Variants in SLC12A7 observed in about 807,000 individuals in gnomAD.
SLC12A7 encodes solute carrier family 12 member 7.
In SLC12A7, 100 loss-of-function variants were observed where a neutral mutation model predicts 120.6. The ratio of observed to expected loss-of-function variants is 0.83; its 90% CI spans 0.71 to 0.98. The LOEUF (loss-of-function observed/expected upper bound fraction) is 0.98, where lower values mean the gene tolerates loss of function less well. Among genes scored for constraint, SLC12A7 ranks in the 50% least tolerant of loss-of-function variants. The probability of loss-of-function intolerance (pLI) is 0.00; values close to 1 mark genes in which losing one functional copy is unlikely to be tolerated. For synonymous variants in SLC12A7, 760 were observed against 678.0 expected (o/e 1.12, Z -1.88); for missense variants, 1,373 against 1,548.1 (o/e 0.89, Z 1.90).
chr5:1,081,578 G>A lies in SLC12A7; in HGVS notation c.1296C>T (p.Thr432=), dbSNP rs371551100. ...GGAAGCCTGGAGCAGCGGGCTCACC[G>A]GTCACGGAAGGGAAGTAGATGCCAA... is the stretch of plus-strand genomic sequence containing the variant. ...LLVGIYFPSV[T]GIMAGSNRSG... is the part of the protein sequence containing the mutation. Residue 432 remains threonine, a splice_region_variant and synonymous_variant, in exon 9 of 24, where the codon ACC becomes ACT. Transcript: ENST00000264930. The A allele has an allele frequency of 1.4e-4, 221 of 1,598,308 alleles. 2 individuals are homozygous for A. Among genetic ancestry groups the A allele is most frequent in the South Asian group, 1.3e-3 (120 of 90,606 alleles).
chr5:1,098,063 TAACCTTCTGCACACCCAGCCGCCCCCTCC>T, intron 1 of SLC12A7, among the ~76,000 whole-genome samples: 1 of 151,170 alleles, frequency 6.6e-6, no homozygotes, highest in Non-Finnish European at 1.5e-5. Flanking sequence ...ATGCCCTCTC[TAACCTTCTGCACACCCAGCCGCCCCCTCC>T]AACCCTCTGC....
Position 1,053,343 on chromosome 5 carries a change from G to C in SLC12A7, c.3160+6C>G. 2 of 1,613,526 alleles carry C rather than the reference G, an allele frequency of 1.2e-6. No individual in the cohort carries two copies. The highest frequency in any genetic ancestry group is 1.3e-5 in the African/African-American group (1 of 75,064). On this transcript the variant is annotated splice_donor_region_variant and intron_variant, in intron 23 of 23. Coordinates refer to ENST00000264930, the MANE Select transcript of SLC12A7 (RefSeq NM_006598.3). ...CGCTCAGCAGGCACACTGCAAGAAA[G>C]GATACAGTTCTCGTCTCCCTGCCGG...
intron 1 of SLC12A7, among the ~76,000 whole-genome samples, chr5:1,105,495 G>A (rs1289008039): frequency 6.6e-6 from 1 of 152,242 alleles, no homozygotes; most frequent in Admixed American, 6.5e-5. Context: ...CCGGCCAGAG[G>A]CTCCAGGACC....
At chr5:1,066,147 G>T (rs1260896791) in intron 17 of SLC12A7, among the ~76,000 whole-genome samples, 3 of 152,142 alleles carry the variant, frequency 2.0e-5, no homozygotes, top group Non-Finnish European at 2.9e-5. Flanking sequence ...GGAACCCCAG[G>T]GCCTGCCCTG....
chr5:1,091,916 T>A (rs1376162365), intron 3 of SLC12A7, among the ~76,000 whole-genome samples: 1 of 151,280 alleles, frequency 6.6e-6, no homozygotes, highest in African/African-American at 2.4e-5. Context: ...CTGGCCGAGC[T>A]ACAGACAGGG....
the SLC12A7 span, among the ~76,000 whole-genome samples, chr5:1,129,514 C>G: frequency 6.6e-6 from 1 of 152,154 alleles, no homozygotes; most frequent in Non-Finnish European, 1.5e-5. Context: ...TCCTGTGACG[C>G]CCAGGACCAG....
At chr5:1,083,678 G>A (rs1307989066) in intron 8 of SLC12A7, 67 bp downstream of exon 8, 3 of 1,512,832 alleles carry the variant, frequency 2.0e-6, no homozygotes, top group Non-Finnish European at 2.7e-6. Context: ...GGCGAGAGCA[G>A]CCACCAGGGC....
intron 1 of SLC12A7, among the ~76,000 whole-genome samples, chr5:1,104,824 G>A (rs991098081): frequency 1.3e-5 from 2 of 152,224 alleles, no homozygotes; most frequent in Non-Finnish European, 2.9e-5. Context: ...AGGGGAGAGC[G>A]GAAACAGGCA....
chr5:1,132,170 T>G, the SLC12A7 span, among the ~76,000 whole-genome samples: 1 of 152,164 alleles, frequency 6.6e-6, no homozygotes, highest in African/African-American at 2.4e-5. Flanking sequence ...CACTGCTCAT[T>G]ACACGCTAAT....
chr5:1,090,535 G>A (rs1372815596), intron 3 of SLC12A7, among the ~76,000 whole-genome samples: 3 of 152,190 alleles, frequency 2.0e-5, no homozygotes, highest in African/African-American at 4.8e-5. Flanking sequence ...GTGGAGAACC[G>A]GCTTTGGGAC....
chr5:1,073,831 CGGCAACGCTTACCAG>C, intron 16 of SLC12A7, 30 bp from the exon 17 acceptor site: 2 of 1,384,092 alleles, frequency 1.4e-6, no homozygotes, highest in Non-Finnish European at 1.9e-6. Flanking sequence ...GCTGTTACCA[CGGCAACGCTTACCAG>C]GGCACGGCCC....
chr5:1,107,523 A>C (rs1254375959), intron 1 of SLC12A7, among the ~76,000 whole-genome samples: 1 of 151,692 alleles, frequency 6.6e-6, no homozygotes, highest in Admixed American at 6.6e-5. Flanking sequence ...CCTCTGCTTG[A>C]CTCCAGCCAC....
Position 1,065,487 on chromosome 5 carries a change from G to A in SLC12A7, c.2242-9C>T. ...ATTAGGGACCGTATGTTCTGCGGGA[G>A]ACAGGACAGGTTGGTGCTACAGCAG... On this transcript the variant is annotated splice_polypyrimidine_tract_variant and intron_variant, in intron 17 of 23. Transcript: ENST00000264930. The A allele has an allele frequency of 6.4e-7, 1 of 1,564,092 alleles. No individual in the cohort carries two copies. The highest frequency in any genetic ancestry group is 1.8e-5 in the Admixed American group (1 of 55,750).
At chr5:1,143,788 G>A in the SLC12A7 span, among the ~76,000 whole-genome samples, 8 of 152,232 alleles carry the variant, frequency 5.3e-5, no homozygotes, top group East Asian at 3.9e-4. Context: ...CAGCAAACCC[G>A]TGGCTGCACC....
chr5:1,096,672 GGAA>G (rs1384589673), intron 1 of SLC12A7, among the ~76,000 whole-genome samples: 1 of 133,038 alleles, frequency 7.5e-6, no homozygotes, highest in Non-Finnish European at 1.6e-5. Context: ...AGGGAGGGAA[GGAA>G]GAAAGGAGGG....
upstream of SLC12A7, among the ~76,000 whole-genome samples, chr5:1,113,371 T>G (rs6880997): frequency 0.47 from 71,334 of 152,048 alleles, 18,389 homozygotes; most frequent in Non-Finnish European, 0.59. Flanking sequence ...CCGGGCTCTG[T>G]GGGTTCAAGG....
At position 1,089,054 on chromosome 5, in the gene SLC12A7, C is replaced by T; in HGVS notation, c.417G>A (p.Leu139=). The T allele has an allele frequency of 1.2e-6, 2 of 1,613,058 alleles. No individual in the cohort carries two copies. The highest frequency in any genetic ancestry group is 1.6e-4 in the Middle Eastern group (1 of 6,062). ...CCACCCCCACGATCCACGTCAGGCG[C>T]AGGAAGAGGATGACGCCCAGGATGT... ...LQNILGVILF[L]RLTWIVGVAG... The change falls in exon 4 of 24, where the codon CTG becomes CTA. Residue 139 remains leucine (L), a synonymous_variant. Transcript: ENST00000264930.
chr5:1,081,641 G>C lies in SLC12A7; in HGVS notation c.1233C>G (p.Tyr411Ter), dbSNP rs766235559. The C allele has an allele frequency of 6.2e-7, 1 of 1,613,020 alleles. No homozygotes were observed. The highest frequency in any genetic ancestry group is 8.5e-7 in the Non-Finnish European group (1 of 1,179,924). Residue 411 changes from tyrosine (Y) to a stop codon, truncating the protein, a stop_gained, in exon 9 of 24, where the codon TAC becomes TAG. Transcript: ENST00000264930. LOFTEE classifies it high-confidence loss of function. Reference sequence around the variant, plus strand: ...AGGAGGCCGCGATGTCGGTGAGCACGTAGGGCAGTGCGCTGGCACGGCTCT... The same window carrying C: ...AGGAGGCCGCGATGTCGGTGAGCACCTAGGGCAGTGCGCTGGCACGGCTCT... The part of the protein sequence containing the change: ...AEESRASALP[Y>*]VLTDIAASFT...
the SLC12A7 span, among the ~76,000 whole-genome samples, chr5:1,133,205 C>T: frequency 3.9e-5 from 6 of 152,312 alleles, no homozygotes; most frequent in East Asian, 7.7e-4. Context: ...CATGAGCCAC[C>T]GCACCCAGCT....
Sources: gnomAD v4.1 joint callset for allele counts (sites outside exome capture counted in the v4.1 genomes callset) on GRCh38, gnomAD v4.1.1 for gene constraint, MANE v1.5 for transcripts, NCBI Gene and HGNC (gene_info 2026-07-23, HGNC 2026-07-21) for gene names.